Variants in PRRX2 observed in about 807,000 individuals in gnomAD.
PRRX2 encodes the protein paired mesoderm homeobox protein 2.
In PRRX2, 11 loss-of-function variants were observed where a neutral mutation model predicts 18.0. That is an observed-to-expected ratio of 0.61 (90% confidence interval 0.39 to 1.01). The LOEUF is 1.01. Ranked by LOEUF, PRRX2 falls within the 50% of genes least tolerant of loss-of-function variation. PRRX2 has a pLI of 0.01. For synonymous variants in PRRX2, 177 were observed against 154.8 expected, an observed-to-expected ratio of 1.14 and a Z score of -1.06; for missense variants, 387 against 351.0, an observed-to-expected ratio of 1.10 and a Z score of -0.82.
At chr9:129,692,834 T>C (rs1832377543) in intron 1 of PRRX2, among the ~76,000 whole-genome samples, 1 of 152,212 alleles carries the variant, frequency 6.6e-6, no homozygotes, top group Admixed American at 6.5e-5. Flanking sequence ...GTTTTGGCAA[T>C]TATGAACAGA....
rs762929485 is a variant in PRRX2 at position 129,715,750 on chromosome 9, T to TCTCTCTCTCTCTCACACA, written c.260-3480_260-3479insTCTCTCTCTCTCACACAC. Among the ~76,000 whole-genome samples, 77 of 138,950 alleles carry TCTCTCTCTCTCTCACACA rather than the reference T, an allele frequency of 5.5e-4. No individual in the cohort carries two copies. In the East Asian group the frequency reaches 7.7e-3, roughly 14 times the overall value. 91.2% of individuals were successfully genotyped at this position (138,950 alleles called of 152,430 possible). A position where few individuals can be genotyped will look rare whatever the true frequency, so the allele number is the denominator to read the frequency against. Reference sequence around the variant, plus strand: ...AAACCCAGCTTCAGGGACATCTTTCTCACACACACACACACACACACACAC... The same window carrying TCTCTCTCTCTCTCACACA: ...AAACCCAGCTTCAGGGACATCTTTCTCTCTCTCTCTCTCACACACACACACACACACACACACACACAC... On this transcript the variant is annotated intron_variant, in intron 1 of 3. Transcript: ENST00000372469. This position sits in a 1 kb window ranked among gnomAD's most constrained non-coding sequence, Gnocchi z 4.0.
intron 1 of PRRX2, among the ~76,000 whole-genome samples, chr9:129,717,071 G>C (rs1832717387): frequency 6.6e-6 from 1 of 151,912 alleles, no homozygotes; most frequent in African/African-American, 2.4e-5. Context: ...TTTTGAGACA[G>C]AGTATTGCTC....
rs148244274 is a variant in PRRX2, at chr9:129,699,182, G to A, written c.260-20049G>A. 3.5e-4 allele frequency among the ~76,000 whole-genome samples: 53 copies of A among 152,362 alleles called. 1 individual carries two copies. The East Asian group carries it at 5.6e-3, about 16-fold the overall frequency. ...TCACGCCCATAATCCCAGAACTTTGGGAGGCCAAGGTGGGCAGATCACTTG... is the reference window on the plus strand; with the variant it reads ...TCACGCCCATAATCCCAGAACTTTGAGAGGCCAAGGTGGGCAGATCACTTG... On this transcript the variant is annotated intron_variant, in intron 1 of 3. Transcript: ENST00000372469.
chr9:129,675,201 A>T lies in PRRX2; in HGVS notation c.259+9075A>T, dbSNP rs925939282. Among the ~76,000 whole-genome samples the T allele has an allele frequency of 2.6e-5, 4 of 152,190 alleles. No individual in the cohort carries two copies. The highest frequency in any genetic ancestry group is 5.9e-5 in the Non-Finnish European group (4 of 68,010). On this transcript the variant is annotated intron_variant, in intron 1 of 3. Coordinates refer to ENST00000372469, the MANE Select transcript of PRRX2 (RefSeq NM_016307.4). The surrounding 1 kb of genome is among the most constrained non-coding windows in gnomAD (Gnocchi z 4.4). ...GGCTGCGCTGAGGCTAAGCCCCAGC[A>T]TCCCCAGGGACTGGATTTTGTGCCA...
intron 1 of PRRX2, among the ~76,000 whole-genome samples, chr9:129,701,431 T>C (rs11788582): frequency 0.36 from 54,011 of 152,058 alleles, 10,571 homozygotes; most frequent in East Asian, 0.57. Flanking sequence ...GGACACTGAG[T>C]CTCACAGAGC....
chr9:129,700,306 G>A lies in PRRX2; in HGVS notation c.260-18925G>A, dbSNP rs558424783. Among the ~76,000 whole-genome samples, 4 of 151,442 alleles carry A rather than the reference G, an allele frequency of 2.6e-5. No individual in the cohort carries two copies. The East Asian group carries it at 5.8e-4, about 22-fold the overall frequency. ...CAGGGTCCAGCTCTTCCTCAGTGGG[G>A]TGCTGTATTTTTTTTTGGTTTGTTG... On this transcript the variant is annotated intron_variant, in intron 1 of 3. Transcript: ENST00000372469.
chr9:129,705,363 C>A (rs1351759556), intron 1 of PRRX2, among the ~76,000 whole-genome samples: 1 of 152,160 alleles, frequency 6.6e-6, no homozygotes, highest in African/African-American at 2.4e-5. Context: ...CTGGCCTTGG[C>A]CCCCCTGGCC....
intron 1 of PRRX2, among the ~76,000 whole-genome samples, chr9:129,689,687 G>A (rs1832336027): frequency 6.6e-6 from 1 of 151,194 alleles, no homozygotes; most frequent in Non-Finnish European, 1.5e-5. Context: ...TGATGGCCAG[G>A]CCTCACTCCG....
At chr9:129,683,778 T>G (rs1428893739) in intron 1 of PRRX2, among the ~76,000 whole-genome samples, 2 of 152,046 alleles carry the variant, frequency 1.3e-5, no homozygotes, top group African/African-American at 4.8e-5. Flanking sequence ...GGTAATTTAC[T>G]GCAGTGCTGT....
chr9:129,683,295 T>C (rs183473274), intron 1 of PRRX2, among the ~76,000 whole-genome samples: 1 of 152,300 alleles, frequency 6.6e-6, no homozygotes, highest in East Asian at 1.9e-4. Flanking sequence ...CTCATCTTTA[T>C]AGACAGATAT....
At chr9:129,691,321 G>T (rs1222735375) in intron 1 of PRRX2, among the ~76,000 whole-genome samples, 1 of 151,520 alleles carries the variant, frequency 6.6e-6, no homozygotes, top group Admixed American at 6.6e-5. Flanking sequence ...GCATGACAAA[G>T]CGACTCTGTC....
At chr9:129,687,045 G>C (rs1832307494) in intron 1 of PRRX2, among the ~76,000 whole-genome samples, 1 of 152,126 alleles carries the variant, frequency 6.6e-6, no homozygotes, top group South Asian at 2.1e-4. Flanking sequence ...TGCAGAGGGG[G>C]TGGGGGAGTA....
In PRRX2 at chr9:129,720,173, G is replaced by A. The variant is rs62584065; in HGVS notation, c.448-423G>A. 2.7e-3 allele frequency among the ~76,000 whole-genome samples: 377 copies of A among 140,696 alleles called. 3 individuals are homozygous for A. Among genetic ancestry groups the A allele is most frequent in the Non-Finnish European group, 4.3e-3 (276 of 64,906 alleles). 92.3% of individuals were successfully genotyped at this position (140,696 alleles called of 152,430 possible). On this transcript the variant is annotated intron_variant, in intron 2 of 3. Coordinates refer to ENST00000372469, the MANE Select transcript of PRRX2 (RefSeq NM_016307.4). ...GAGTCCTCAGCAAGCGCCTCTCCCC[G>A]CGAGTCCTCAGCAAGCGCCTCTCCC...
At position 129,715,750 on chromosome 9, in the gene PRRX2, T is replaced by TCTCTCTCTCTCTCTCTCA. The variant is rs762929485; in HGVS notation, c.260-3480_260-3479insTCTCTCTCTCTCTCTCAC. Among the ~76,000 whole-genome samples, 81 of 138,948 alleles carry TCTCTCTCTCTCTCTCTCA rather than the reference T, an allele frequency of 5.8e-4. No individual in the cohort carries two copies. The highest frequency in any genetic ancestry group is 4.3e-3 in the East Asian group (19 of 4,392). 91.2% of individuals were successfully genotyped at this position (138,948 alleles called of 152,430 possible). On this transcript the variant is annotated intron_variant, in intron 1 of 3. Transcript: ENST00000372469. The surrounding 1 kb of genome is among the most constrained non-coding windows in gnomAD (Gnocchi z 4.0). ...AAACCCAGCTTCAGGGACATCTTTC[T>TCTCTCTCTCTCTCTCTCA]CACACACACACACACACACACACAC... is the stretch of plus-strand genomic sequence containing the variant.
intron 1 of PRRX2, among the ~76,000 whole-genome samples, chr9:129,684,459 C>CACACACACACACA (rs1491097967): frequency 7.5e-5 from 10 of 134,158 alleles, no homozygotes; most frequent in Non-Finnish European, 1.5e-4. Context: ...CACACACACA[C>CACACACACACACA]CCAACAGAAA....
intron 1 of PRRX2, among the ~76,000 whole-genome samples, chr9:129,683,261 A>G (rs1048899884): frequency 1.2e-4 from 18 of 152,218 alleles, no homozygotes; most frequent in Admixed American, 6.5e-4. Context: ...CTACAGACTA[A>G]GCACATGACA....
chr9:129,679,181 G>A (rs1167782910), intron 1 of PRRX2, among the ~76,000 whole-genome samples: 2 of 152,140 alleles, frequency 1.3e-5, no homozygotes, highest in Non-Finnish European at 2.9e-5. Flanking sequence ...GACCAGGGCT[G>A]TGTGTCCCAA....
At chr9:129,688,927 A>C (rs921651641) in intron 1 of PRRX2, among the ~76,000 whole-genome samples, 5 of 152,186 alleles carry the variant, frequency 3.3e-5, no homozygotes, top group African/African-American at 1.2e-4. Context: ...CATAGAATGG[A>C]AAGGAAAGGA....
At chr9:129,694,816 G>T (rs57663683) in intron 1 of PRRX2, among the ~76,000 whole-genome samples, 1 of 152,066 alleles carries the variant, frequency 6.6e-6, no homozygotes, top group African/African-American at 2.4e-5. Context: ...GGGGGGCAGC[G>T]GAGGGAGCCC....
Sources: gnomAD v4.1 joint callset for allele counts (sites outside exome capture counted in the v4.1 genomes callset) on GRCh38, gnomAD v4.1.1 for gene constraint, Gnocchi (gnomAD v3.1) non-coding constraint, MANE v1.5 for transcripts, NCBI Gene and HGNC (gene_info 2026-07-23, HGNC 2026-07-21) for gene names.